The following EXD1 variants were observed in gnomAD, a reference collection of about 807,000 sequenced individuals.
EXD1 encodes piRNA biogenesis protein EXD1.
A neutral mutation model predicts 49.1 loss-of-function variants in EXD1; 63 were observed. The ratio of observed to expected loss-of-function variants is 1.28; its 90% CI spans 1.05 to 1.58. EXD1 has a LOEUF of 1.58. EXD1 is among the 40% of genes most tolerant of loss of function. EXD1 has a pLI of 0.00. For missense variants in EXD1, 748 were observed against 666.0 expected (o/e 1.12, Z -1.36); for synonymous variants, 234 against 239.2 (o/e 0.98, Z 0.20).
intron 2 of EXD1, among the ~76,000 whole-genome samples, chr15:41,223,733 C>T (rs1409748853): frequency 1.3e-5 from 2 of 150,114 alleles, no homozygotes; most frequent in African/African-American, 2.4e-5. Context: ...GGCGTGGTGG[C>T]GGGCGCCTGT....
intron 6 of EXD1, among the ~76,000 whole-genome samples, chr15:41,215,072 T>C (rs534797265): frequency 1.3e-5 from 2 of 152,286 alleles, no homozygotes; most frequent in South Asian, 4.1e-4. Flanking sequence ...GATATCTACA[T>C]GGCTCCCTTA....
intron 1 of EXD1, among the ~76,000 whole-genome samples, chr15:41,229,448 T>C (rs1269630775): frequency 6.6e-6 from 1 of 150,950 alleles, no homozygotes; most frequent in East Asian, 1.9e-4. Flanking sequence ...ATCAGGCCAT[T>C]GCACTCCAGC....
intron 7 of EXD1, among the ~76,000 whole-genome samples, chr15:41,199,503 C>A (rs1399244664): frequency 6.7e-6 from 1 of 149,070 alleles, no homozygotes; most frequent in Non-Finnish European, 1.5e-5. Flanking sequence ...GGGTGGTGCA[C>A]CCCTTCCCCC....
In EXD1 at chr15:41,184,124, A is replaced by G; in HGVS notation, c.1526T>C (p.Leu509Ser). ...TAAATCTTCCTTGTTTTCCACCATC[A>G]ATAACTGTTCTGTCTCCTCTTTCAA... Reference protein sequence around the residue: ...LSLKEETEQLLMVENKEDLKC... With the variant: ...LSLKEETEQLSMVENKEDLKC... Residue 509 changes from leucine to serine, a missense_variant, in exon 12 of 12, where the codon TTG becomes TCG. By Grantham distance (145) the Leu-to-Ser change is moderately radical. Transcript: ENST00000458580. The G allele has an allele frequency of 1.9e-6, 3 of 1,614,188 alleles. No homozygotes were observed. Among genetic ancestry groups the G allele is most frequent in the Non-Finnish European group, 1.7e-6 (2 of 1,180,030 alleles).
At chr15:41,212,390 G>A (rs1222961667) in intron 6 of EXD1, among the ~76,000 whole-genome samples, 1 of 152,076 alleles carries the variant, frequency 6.6e-6, no homozygotes, top group African/African-American at 2.4e-5. Flanking sequence ...GGGAGGCAGA[G>A]CTTGCAGTGA....
chr15:41,189,863 A>C, intron 11 of EXD1, 74 bp downstream of exon 11: 1 of 1,453,976 alleles, frequency 6.9e-7, no homozygotes. Flanking sequence ...GCAGCTATGA[A>C]GAAAGGGTAT....
intron 2 of EXD1, among the ~76,000 whole-genome samples, chr15:41,221,422 C>A (rs2140903118): frequency 6.6e-6 from 1 of 151,064 alleles, no homozygotes; most frequent in East Asian, 2.0e-4. Flanking sequence ...CAGGCTTGTG[C>A]CAGCATGCCT....
chr15:41,227,619 G>A (rs28493237), intron 1 of EXD1, among the ~76,000 whole-genome samples: 43,670 of 147,440 alleles, frequency 0.3, 8,917 homozygotes, highest in African/African-American at 0.58. Flanking sequence ...GCAGTGAGCC[G>A]AGATTTAGAG....
Position 41,230,726 on chromosome 15 carries a change from A to G in EXD1, c.-301T>C, listed in dbSNP as rs1257046602. 1.6e-6 allele frequency: 1 copy of G among 633,188 alleles called. No homozygotes were observed. The highest frequency in any genetic ancestry group is 2.7e-6 in the Non-Finnish European group (1 of 375,982). 39.2% of individuals were successfully genotyped at this position (633,188 alleles called of 1,614,324 possible). On this transcript the variant is annotated 5_prime_UTR_variant, in exon 1 of 12. Coordinates refer to ENST00000458580, the MANE Select transcript of EXD1 (RefSeq NM_001286441.2). ...GCCGGGGACACACGCCGCAGAGGCGACGCCCGCCCGGCCCAACGTCCAGTC... is the reference window on the plus strand; with the variant it reads ...GCCGGGGACACACGCCGCAGAGGCGGCGCCCGCCCGGCCCAACGTCCAGTC...
At chr15:41,211,330 G>A (rs1348904348) in intron 6 of EXD1, among the ~76,000 whole-genome samples, 2 of 151,552 alleles carry the variant, frequency 1.3e-5, no homozygotes, top group African/African-American at 4.8e-5. Flanking sequence ...AGGCTGGTCT[G>A]TAACTCCTGG....
At chr15:41,215,693 A>G (rs2046989361) in intron 6 of EXD1, 82 bp downstream of exon 6, 2 of 1,457,326 alleles carry the variant, frequency 1.4e-6, no homozygotes, top group Admixed American at 1.8e-5. Context: ...CTCAAAAAAA[A>G]AAAGAAAGAA....
chr15:41,217,402 T>A (rs1414899074), intron 3 of EXD1, among the ~76,000 whole-genome samples: 1 of 152,214 alleles, frequency 6.6e-6, no homozygotes, highest in Non-Finnish European at 1.5e-5. Context: ...AACATTTCTA[T>A]ACATCCCCTT....
chr15:41,225,605 G>A (rs1054141631), intron 2 of EXD1, among the ~76,000 whole-genome samples: 7 of 145,136 alleles, frequency 4.8e-5, no homozygotes, highest in African/African-American at 7.5e-5. Context: ...AAAAAAGGCC[G>A]GGAGCGGTGG....
intron 3 of EXD1, among the ~76,000 whole-genome samples, chr15:41,218,717 G>A (rs935819210): frequency 3.3e-5 from 5 of 151,974 alleles, no homozygotes; most frequent in Non-Finnish European, 5.9e-5. Flanking sequence ...ACACAATTAA[G>A]AACTCCAACT....
intron 3 of EXD1, chr15:41,219,454 G>T: frequency 5.4e-6 from 1 of 185,254 alleles, no homozygotes; most frequent in Non-Finnish European, 1.1e-5. Flanking sequence ...TATATACTCC[G>T]TTACCTTTTC....
At chr15:41,230,430 A>G in intron 1 of EXD1, 49 bp downstream of exon 1, 1 of 1,586,750 alleles carries the variant, frequency 6.3e-7, no homozygotes, top group African/African-American at 1.3e-5. Flanking sequence ...TAAAATGCAA[A>G]ATTTCTCATT....
At chr15:41,191,342 T>C (rs1244157738) in intron 10 of EXD1, 100 bp downstream of exon 10, 10 of 1,125,004 alleles carry the variant, frequency 8.9e-6, no homozygotes, top group African/African-American at 1.6e-5. Flanking sequence ...GTTCATATGA[T>C]AACATGGCAG....
chr15:41,199,783 T>TGTGA (rs2046694264), intron 7 of EXD1, among the ~76,000 whole-genome samples: 1 of 30,110 alleles, frequency 3.3e-5, no homozygotes. Flanking sequence ...ATGTCATATA[T>TGTGA]TATATAATGT....
intron 11 of EXD1, among the ~76,000 whole-genome samples, chr15:41,188,015 CAAAAAAA>C (rs11321304): frequency 9.0e-6 from 1 of 111,660 alleles, no homozygotes; most frequent in Non-Finnish European, 1.8e-5. Flanking sequence ...AACCCCGTCT[CAAAAAAA>C]AAAAAAAAAA....
Sources: gnomAD v4.1 joint callset for allele counts (sites outside exome capture counted in the v4.1 genomes callset) on GRCh38, gnomAD v4.1.1 for gene constraint, MANE v1.5 for transcripts, NCBI Gene and HGNC (gene_info 2026-07-23, HGNC 2026-07-21) for gene names.